Variants in SSH3 observed in about 807,000 individuals in gnomAD.
The protein encoded by SSH3 is protein phosphatase Slingshot homolog 3.
A neutral mutation model predicts 75.0 loss-of-function variants in SSH3; 67 were observed. The ratio of observed to expected loss-of-function variants is 0.89; its 90% CI spans 0.73 to 1.10. SSH3 has a LOEUF of 1.10. SSH3 is among the 50% of genes least tolerant of loss of function. SSH3 has a pLI of 0.00. For synonymous variants in SSH3, 318 were observed against 349.2 expected (o/e 0.91, Z 1.00); for missense variants, 824 against 872.7 (o/e 0.94, Z 0.70).
rs558259386 is a variant in SSH3, at chr11:67,305,038, G to A, written c.339+31G>A. 2.5e-6 allele frequency: 4 copies of A among 1,584,302 alleles called. No homozygotes were observed. The African/African-American group carries it at 4.0e-5, about 16-fold the overall frequency. ...GGCCCATGTGGAGCTCCGGGGGGTGGGGGGAAGAGACACGCCTGAGGGCAG... is the reference window on the plus strand; with the variant it reads ...GGCCCATGTGGAGCTCCGGGGGGTGAGGGGAAGAGACACGCCTGAGGGCAG... On this transcript the variant is annotated intron_variant, in intron 3 of 13. Coordinates refer to ENST00000308127, the MANE Select transcript of SSH3 (RefSeq NM_017857.4).
rs1861273731 is a variant in SSH3, at chr11:67,307,296, C to T, written c.537-75C>T. Reference sequence around the variant, plus strand: ...CACCTGACTCCTGGGTCTCGGCTTCCCGTATCCAGCAAAAGGATGGGTTCT... The same window carrying T: ...CACCTGACTCCTGGGTCTCGGCTTCTCGTATCCAGCAAAAGGATGGGTTCT... On this transcript the variant is annotated intron_variant, in intron 5 of 13. Coordinates refer to ENST00000308127, the MANE Select transcript of SSH3 (RefSeq NM_017857.4). The surrounding 1 kb of genome is among the most constrained non-coding windows in gnomAD (Gnocchi z 4.2). 1.9e-6 allele frequency: 3 copies of T among 1,594,304 alleles called. No individual in the cohort carries two copies. Among genetic ancestry groups the T allele is most frequent in the Admixed American group, 1.7e-5 (1 of 57,242 alleles).
chr11:67,305,480 G>C (rs1211044807), intron 3 of SSH3, among the ~76,000 whole-genome samples: 1 of 152,186 alleles, frequency 6.6e-6, no homozygotes, highest in Non-Finnish European at 1.5e-5. Flanking sequence ...GAGCCACCGC[G>C]CCCGGCCTGG....
chr11:67,311,722 C>T lies in SSH3; in HGVS notation c.1815C>T (p.Thr605=), dbSNP rs1395578160. The T allele has an allele frequency of 1.9e-6, 3 of 1,614,028 alleles. No homozygotes were observed. Among genetic ancestry groups the T allele is most frequent in the East Asian group, 2.2e-5 (1 of 44,872 alleles). The change falls in exon 14 of 14, where the codon ACC becomes ACT. Residue 605 remains threonine, a synonymous_variant. Coordinates refer to ENST00000308127, the MANE Select transcript of SSH3 (RefSeq NM_017857.4). ...PALKSRQSVV[T]LQGSAVVANR... ...TGAAGTCCCGCCAGTCAGTGGTTAC[C>T]CTCCAGGGCAGTGCCGTGGTGGCCA...
At position 67,308,166 on chromosome 11, in the gene SSH3, G is replaced by A; in HGVS notation, c.886-8G>A. 2 of 1,611,932 alleles carry A rather than the reference G, an allele frequency of 1.2e-6. No individual in the cohort carries two copies. The highest frequency in any genetic ancestry group is 1.7e-6 in the Non-Finnish European group (2 of 1,179,202). The stretch of plus-strand genomic sequence containing the variant: ...CCCAGCCTCTCTTGCCCTGGGCTCT[G>A]CCTGCAGATCCGCCAGGCTCTGGAG... On this transcript the variant is annotated splice_polypyrimidine_tract_variant and splice_region_variant and intron_variant, in intron 8 of 13. Coordinates refer to ENST00000308127, the MANE Select transcript of SSH3 (RefSeq NM_017857.4). This position sits in a 1 kb window ranked among gnomAD's most constrained non-coding sequence, Gnocchi z 4.9.
chr11:67,307,403 G>A lies in SSH3; in HGVS notation c.569G>A (p.Arg190Gln), dbSNP rs750730347. 29 of 1,613,898 alleles carry A rather than the reference G, an allele frequency of 1.8e-5. No homozygotes were observed. The highest frequency in any genetic ancestry group is 5.5e-5 in the South Asian group (5 of 91,082). ...GFSVTSGGQS[R>Q]IFKPISIQTM... is the part of the protein sequence containing the mutation. ...AGCGTGACGTCTGGTGGGCAAAGCC[G>A]GATCTTCAAGCCCATCTCCATCCAG... Residue 190 changes from arginine (R) to glutamine (Q), a missense_variant, in exon 6 of 14, where the codon CGG (arginine) becomes CAG (glutamine). Arg to Gln is a conservative substitution (Grantham distance 43). Coordinates refer to ENST00000308127, the MANE Select transcript of SSH3 (RefSeq NM_017857.4). This position sits in a 1 kb window ranked among gnomAD's most constrained non-coding sequence, Gnocchi z 4.2.
At chr11:67,303,900 C>A in intron 1 of SSH3, 3 of 768,426 alleles carry the variant, frequency 3.9e-6, no homozygotes, top group South Asian at 4.2e-5. Context: ...TGCGGAGGCC[C>A]CGATCTGAGC....
Position 67,311,724 on chromosome 11 carries a change from T to C in SSH3, c.1817T>C (p.Leu606Pro), listed in dbSNP as rs1371271462. The change falls in exon 14 of 14, where the codon CTC becomes CCC. Residue 606 changes from leucine (L) to proline (P), a missense_variant. Transcript: ENST00000308127. ...AAGTCCCGCCAGTCAGTGGTTACCC[T>C]CCAGGGCAGTGCCGTGGTGGCCAAC... ...ALKSRQSVVT[L>P]QGSAVVANRT... The C allele has an allele frequency of 6.2e-7, 1 of 1,613,854 alleles. No homozygotes were observed. Among genetic ancestry groups the C allele is most frequent in the Non-Finnish European group, 8.5e-7 (1 of 1,179,944 alleles).
chr11:67,307,442 G>A lies in SSH3; in HGVS notation c.602+6G>A. On this transcript the variant is annotated splice_donor_region_variant and intron_variant, in intron 6 of 13. Coordinates refer to ENST00000308127, the MANE Select transcript of SSH3 (RefSeq NM_017857.4). The surrounding 1 kb of genome is among the most constrained non-coding windows in gnomAD (Gnocchi z 4.2). ...ATCTCCATCCAGACCATGTGGTAAG[G>A]ACAGAGACTGCCTGGACTCAGGCCA... is the stretch of plus-strand genomic sequence containing the variant. The A allele has an allele frequency of 3.1e-6, 5 of 1,613,994 alleles. No individual in the cohort carries two copies. The highest frequency in any genetic ancestry group is 1.3e-5 in the African/African-American group (1 of 75,050).
rs572254390 is a variant in SSH3, at chr11:67,311,731, C to T, written c.1824C>T (p.Gly608=). The T allele has an allele frequency of 2.6e-5, 42 of 1,614,098 alleles. No homozygotes were observed. Among genetic ancestry groups the T allele is most frequent in the African/African-American group, 4.0e-5 (3 of 75,060 alleles). ...KSRQSVVTLQ[G]SAVVANRTQA... ...GCCAGTCAGTGGTTACCCTCCAGGG[C>T]AGTGCCGTGGTGGCCAACCGGACCC... The change falls in exon 14 of 14, where the codon GGC becomes GGT. Residue 608 remains glycine, a synonymous_variant. Coordinates refer to ENST00000308127, the MANE Select transcript of SSH3 (RefSeq NM_017857.4).
At position 67,307,776 on chromosome 11, in the gene SSH3, G is replaced by T; in HGVS notation, c.791+39G>T. Reference sequence around the variant, plus strand: ...GGGGAGGGACTGGGTGGAGGGGAAGGCAGGATAATGCAGTGGGGGGCATGG... The same window carrying T: ...GGGGAGGGACTGGGTGGAGGGGAAGTCAGGATAATGCAGTGGGGGGCATGG... On this transcript the variant is annotated intron_variant, in intron 7 of 13. Transcript: ENST00000308127. The surrounding 1 kb of genome is among the most constrained non-coding windows in gnomAD (Gnocchi z 4.2). The T allele has an allele frequency of 6.2e-7, 1 of 1,613,772 alleles. No homozygotes were observed. Among genetic ancestry groups the T allele is most frequent in the Non-Finnish European group, 8.5e-7 (1 of 1,179,930 alleles).
intron 3 of SSH3, 110 bp from the exon 4 acceptor site, chr11:67,306,728 G>C: frequency 7.9e-7 from 1 of 1,267,672 alleles, no homozygotes; most frequent in Non-Finnish European, 1.1e-6. Flanking sequence ...GGGAAGAGGG[G>C]GGATGGGAGA....
rs760857743 is a variant in SSH3, at chr11:67,311,761, C to T, written c.1854C>T (p.Ala618=). 2.5e-6 allele frequency: 4 copies of T among 1,613,746 alleles called. No homozygotes were observed. The highest frequency in any genetic ancestry group is 3.4e-6 in the Non-Finnish European group (4 of 1,179,948). Residue 618 remains alanine (A), a synonymous_variant, in exon 14 of 14, where the codon GCC becomes GCT. Coordinates refer to ENST00000308127, the MANE Select transcript of SSH3 (RefSeq NM_017857.4). ...GSAVVANRTQ[A]FQEQEQGQGQ... ...CCGTGGTGGCCAACCGGACCCAGGCCTTCCAGGAGCAGGAGCAGGGGCAGG... is the reference window on the plus strand; with the variant it reads ...CCGTGGTGGCCAACCGGACCCAGGCTTTCCAGGAGCAGGAGCAGGGGCAGG...
In SSH3 at chr11:67,309,391, G is replaced by C; in HGVS notation, c.1062-6G>C. The C allele has an allele frequency of 6.2e-7, 1 of 1,614,108 alleles. No individual in the cohort carries two copies. On this transcript the variant is annotated splice_polypyrimidine_tract_variant and splice_region_variant and intron_variant, in intron 10 of 13. Transcript: ENST00000308127. ...CATCAGCCTGGCCTTGGGCCCTCTG[G>C]GACAGGGTCACCCACATCTTGAACA...
chr11:67,311,367 GGGTT>G (rs1039922419), intron 13 of SSH3, among the ~76,000 whole-genome samples: 3 of 152,148 alleles, frequency 2.0e-5, no homozygotes, highest in Non-Finnish European at 4.4e-5. Context: ...CAAGCAGGTA[GGGTT>G]CAAGGAGCGG....
rs952603002 is a variant in SSH3 at position 67,308,644 on chromosome 11, C to T, written c.1061+186C>T. On this transcript the variant is annotated intron_variant, in intron 10 of 13. Transcript: ENST00000308127. This position sits in a 1 kb window ranked among gnomAD's most constrained non-coding sequence, Gnocchi z 4.9. Reference sequence around the variant, plus strand: ...AGGTGGGGACAGGAGACCTGCTGGCCAGCCCCCGCCCACTCTCCTCCCCCA... The same window carrying T: ...AGGTGGGGACAGGAGACCTGCTGGCTAGCCCCCGCCCACTCTCCTCCCCCA... 3.3e-5 allele frequency among the ~76,000 whole-genome samples: 5 copies of T among 152,224 alleles called. No individual in the cohort carries two copies. Among genetic ancestry groups the T allele is most frequent in the Admixed American group, 1.3e-4 (2 of 15,292 alleles).
Position 67,307,584 on chromosome 11 carries a change from C to T in SSH3, c.638C>T (p.Ala213Val). 1 of 1,612,080 alleles carries T rather than the reference C, an allele frequency of 6.2e-7. No individual in the cohort carries two copies. The highest frequency in any genetic ancestry group is 8.5e-7 in the Non-Finnish European group (1 of 1,179,132). The change falls in exon 7 of 14, where the codon GCA becomes GTA. Residue 213 changes from alanine (A) to valine (V), a missense_variant. Physicochemically the swap from Ala to Val is moderately conservative, Grantham distance 64. Transcript: ENST00000308127. The surrounding 1 kb of genome is among the most constrained non-coding windows in gnomAD (Gnocchi z 4.2). ...TLQVLHQACEAALGSGLVPGG... is the reference protein window; with the variant it reads ...TLQVLHQACEVALGSGLVPGG... The stretch of plus-strand genomic sequence containing the variant: ...CAGGTATTGCACCAAGCATGTGAGG[C>T]AGCTCTAGGCAGCGGCCTTGTACCG...
At chr11:67,305,029 CG>C (rs766601407) in intron 3 of SSH3, 22 bp downstream of exon 3, 23 of 1,570,412 alleles carry the variant, frequency 1.5e-5, no homozygotes, top group Middle Eastern at 2.2e-4. Flanking sequence ...TGTGGAGCTC[CG>C]GGGGGTGGGG....
At position 67,311,656 on chromosome 11, in the gene SSH3, C is replaced by T. The variant is rs1861418455; in HGVS notation, c.1749C>T (p.Thr583=). ...PLQPFPQLAR[T]KGGQQVDRGP... is the part of the protein sequence containing the mutation. ...AGCCCTTCCCACAGCTTGCAAGGAC[C>T]AAGGGAGGCCAGCAGGTGGACAGGG... is the stretch of plus-strand genomic sequence containing the variant. The change falls in exon 14 of 14, where the codon ACC becomes ACT. Residue 583 remains threonine (T), a synonymous_variant. Transcript: ENST00000308127. 1.9e-6 allele frequency: 3 copies of T among 1,613,972 alleles called. No homozygotes were observed. Among genetic ancestry groups the T allele is most frequent in the Middle Eastern group, 1.6e-4 (1 of 6,082 alleles).
chr11:67,310,448 C>T lies in SSH3; in HGVS notation c.1683+109C>T, dbSNP rs946634184. 39 of 1,390,634 alleles carry T rather than the reference C, an allele frequency of 2.8e-5. No individual in the cohort carries two copies. In the African/African-American group the frequency reaches 3.3e-4, roughly 12 times the overall value. 86.1% of individuals were successfully genotyped at this position (1,390,634 alleles called of 1,614,324 possible). On this transcript the variant is annotated intron_variant, in intron 13 of 13. Coordinates refer to ENST00000308127, the MANE Select transcript of SSH3 (RefSeq NM_017857.4). ...ACTGTAGACCTGAGCAGGGCGTACCCGGGCTAAGTCTGGCCCGCCCATGCA... is the reference window on the plus strand; with the variant it reads ...ACTGTAGACCTGAGCAGGGCGTACCTGGGCTAAGTCTGGCCCGCCCATGCA...
Sources: gnomAD v4.1 joint callset for allele counts (sites outside exome capture counted in the v4.1 genomes callset) on GRCh38, gnomAD v4.1.1 for gene constraint, Gnocchi (gnomAD v3.1) non-coding constraint, MANE v1.5 for transcripts, NCBI Gene and HGNC (gene_info 2026-07-23, HGNC 2026-07-21) for gene names.